The following ADPRHL1 variants were observed in gnomAD, a reference collection of about 807,000 sequenced individuals.
ADPRHL1 encodes the protein ADP-ribosylhydrolase like 1.
A neutral mutation model predicts 44.1 loss-of-function variants in ADPRHL1; 43 were observed. The ratio of observed to expected loss-of-function variants is 0.98; its 90% CI spans 0.76 to 1.26. ADPRHL1 has a LOEUF of 1.26. Ranked by LOEUF, ADPRHL1 falls within the 50% of genes most tolerant of loss-of-function variation. ADPRHL1 has a pLI of 0.00. For synonymous variants in ADPRHL1, 878 were observed against 1,017.4 expected, an observed-to-expected ratio of 0.86 and a Z score of 2.61; for missense variants, 2,022 against 2,496.9, an observed-to-expected ratio of 0.81 and a Z score of 4.05.
intron 1 of ADPRHL1, among the ~76,000 whole-genome samples, chr13:113,452,392 G>C (rs1374422837): frequency 1.3e-5 from 2 of 152,214 alleles, no homozygotes; most frequent in Non-Finnish European, 2.9e-5. Context: ...CACGTCCATG[G>C]CAGATGAACA....
At position 113,408,055 on chromosome 13, in the gene ADPRHL1, C is replaced by A; in HGVS notation, c.1227G>T (p.Gly409=). The A allele has an allele frequency of 2.4e-6, 3 of 1,232,216 alleles. No individual in the cohort carries two copies. Among genetic ancestry groups the A allele is most frequent in the Non-Finnish European group, 3.0e-6 (3 of 988,124 alleles). 76.3% of individuals were successfully genotyped at this position (1,232,216 alleles called of 1,614,324 possible). A position where few individuals can be genotyped will look rare whatever the true frequency, so the allele number is the denominator to read the frequency against. The change falls in exon 8 of 8, where the codon GGG becomes GGT. Residue 409 remains glycine (G), a synonymous_variant. Coordinates refer to ENST00000612156, the MANE Select transcript of ADPRHL1 (RefSeq NM_001394807.1). ...GGGGCTGGTGGCTGGGCCTGCTCCC[C>A]CCGGCCTCTGTCCCCGGGGGCCGGT... is the stretch of plus-strand genomic sequence containing the variant. ...RADRPPGTEA[G]GSRPSHQPQT...
chr13:113,439,187 A>G (rs950663813), intron 2 of ADPRHL1, among the ~76,000 whole-genome samples: 1 of 151,976 alleles, frequency 6.6e-6, no homozygotes, highest in African/African-American at 2.4e-5. Context: ...CAATGGCACA[A>G]TCTCAGCTCA....
rs2043746933 is a variant in ADPRHL1 at position 113,400,165 on chromosome 13, T to TTGA, written c.*3212_*3213insTCA. ...CTTTTCTTCTTTTTTTTTTTTTTTT[T>TTGA]GACGGAGTCTCGCTCTGTCACCCAG... On this transcript the variant is annotated 3_prime_UTR_variant, in exon 8 of 8. Transcript: ENST00000612156. The TTGA allele has an allele frequency of 9.6e-5, 14 of 145,706 alleles. No homozygotes were observed. Among genetic ancestry groups the TTGA allele is most frequent in the African/African-American group, 3.6e-4 (14 of 38,420 alleles). The allele number at this position is 145,706 out of a possible 1,614,324, so 9.0% of individuals were successfully genotyped here. A position where few individuals can be genotyped will look rare whatever the true frequency, so the allele number is the denominator to read the frequency against.
chr13:113,406,772 G>A lies in ADPRHL1; in HGVS notation c.2510C>T (p.Ala837Val), dbSNP rs2139595159. The A allele has an allele frequency of 5.7e-6, 7 of 1,232,006 alleles. No homozygotes were observed. The highest frequency in any genetic ancestry group is 6.3e-5 in the East Asian group (2 of 31,712). 76.3% of individuals were successfully genotyped at this position (1,232,006 alleles called of 1,614,324 possible). A position where few individuals can be genotyped will look rare whatever the true frequency, so the allele number is the denominator to read the frequency against. The part of the protein sequence containing the change: ...SVQAARRTQP[A>V]TEPPRITVQI... ...GACAGTTATCCGTGGAGGCTCCGTGGCAGGCTGTGTTCTCCGAGCAGCCTG... is the reference window on the plus strand; with the variant it reads ...GACAGTTATCCGTGGAGGCTCCGTGACAGGCTGTGTTCTCCGAGCAGCCTG... Residue 837 changes from alanine (A) to valine (V), a missense_variant, in exon 8 of 8, where the codon GCC becomes GTC. Coordinates refer to ENST00000612156, the MANE Select transcript of ADPRHL1 (RefSeq NM_001394807.1).
At position 113,424,294 on chromosome 13, in the gene ADPRHL1, G is replaced by A. The variant is rs756583732; in HGVS notation, c.830C>T (p.Pro277Leu). 1 of 1,612,922 alleles carries A rather than the reference G, an allele frequency of 6.2e-7. No individual in the cohort carries two copies. The change falls in exon 6 of 8, where the codon CCC (proline) becomes CTC (leucine). Residue 277 changes from proline (P) to leucine (L), a missense_variant. By Grantham distance (98) the Pro-to-Leu change is moderately conservative (BLOSUM62 -3). This residue lies in a region of ADPRHL1 where 437 missense variants were observed against 430.7 expected (regional missense o/e 1.01). Transcript: ENST00000612156. ...AAGGAGGGCGTCATAGGCTATCATG[G>A]GGGCATCGTGGCCTCGTCTTCCCCC... is the stretch of plus-strand genomic sequence containing the variant. Reference protein sequence around the residue: ...GRGGRRGHDAPMIAYDALLAA... With the variant: ...GRGGRRGHDALMIAYDALLAA...
At chr13:113,422,126 T>C (rs2043928566) in intron 7 of ADPRHL1, 1 of 152,200 alleles carries the variant, frequency 6.6e-6, no homozygotes, top group African/African-American at 2.4e-5. Context: ...AGGCCTTCTC[T>C]GCATTTGGAC....
chr13:113,426,805 C>T (rs1283223778), intron 4 of ADPRHL1, among the ~76,000 whole-genome samples: 1 of 152,240 alleles, frequency 6.6e-6, no homozygotes. Context: ...TGCCTCTCAC[C>T]CGAGTCAGCC....
Position 113,407,891 on chromosome 13 carries a change from C to T in ADPRHL1, c.1391G>A (p.Gly464Glu), listed in dbSNP as rs2043821168. Residue 464 changes from glycine to glutamate, a missense_variant, in exon 8 of 8, where the codon GGG becomes GAG. This residue lies in a region of ADPRHL1 where 1,221 missense variants were observed against 1,517.8 expected (regional missense o/e 0.80). Coordinates refer to ENST00000612156, the MANE Select transcript of ADPRHL1 (RefSeq NM_001394807.1). ...LISKDKQGPG[G>E]GLVGATINKL... ...GTTGATGGTGGCACCCACGAGGCCC[C>T]CACCCGGCCCCTGCTTGTCCTTGGA... 1 of 1,231,806 alleles carries T rather than the reference C, an allele frequency of 8.1e-7. No homozygotes were observed. The highest frequency in any genetic ancestry group is 1.6e-5 in the African/African-American group (1 of 64,438). The allele number at this position is 1,231,806 out of a possible 1,614,324, so 76.3% of individuals were successfully genotyped here. A position where few individuals can be genotyped will look rare whatever the true frequency, so the allele number is the denominator to read the frequency against.
intron 7 of ADPRHL1, among the ~76,000 whole-genome samples, chr13:113,415,490 T>G (rs528468778): frequency 6.6e-6 from 1 of 152,186 alleles, no homozygotes; most frequent in Non-Finnish European, 1.5e-5. Context: ...CGGTGGCTCA[T>G]GCCTGTAATC....
chr13:113,424,501 T>C (rs1252512504), intron 5 of ADPRHL1, 152 bp from the exon 6 acceptor site: 27 of 1,094,506 alleles, frequency 2.5e-5, no homozygotes, highest in Non-Finnish European at 3.0e-5. Context: ...GTCCCCCAGG[T>C]TGGAGTGCAA....
Position 113,444,557 on chromosome 13 carries a change from T to C in ADPRHL1, c.247A>G (p.Met83Val), listed in dbSNP as rs576528673. The C allele has an allele frequency of 1.9e-6, 3 of 1,613,992 alleles. No homozygotes were observed. The South Asian group carries it at 3.3e-5, about 18-fold the overall frequency. ...ACGATTTCCACATAGCATCTCACCA[T>C]CTCCCGGTACAGATCATCCAGGCAC... Reference protein sequence around the residue: ...YWCLDDLYREMVRCYVEIVEK... With the variant: ...YWCLDDLYREVVRCYVEIVEK... Residue 83 changes from methionine (M) to valine (V), a missense_variant, in exon 2 of 8, where the codon ATG becomes GTG. Transcript: ENST00000612156.
Position 113,424,214 on chromosome 13 carries a change from C to T in ADPRHL1, c.907+3G>A, listed in dbSNP as rs759583938. The T allele has an allele frequency of 6.2e-7, 1 of 1,612,614 alleles. No homozygotes were observed. The highest frequency in any genetic ancestry group is 8.5e-7 in the Non-Finnish European group (1 of 1,179,766). The stretch of plus-strand genomic sequence containing the variant: ...AAGCCACGGCCATTAAGGAACATCT[C>T]ACCTCCATGAAACATGGCCCGGTGA... On this transcript the variant is annotated splice_donor_region_variant and intron_variant, in intron 6 of 7. Transcript: ENST00000612156.
rs534230979 is a variant in ADPRHL1 at position 113,406,354 on chromosome 13, T to C, written c.2928A>G (p.Gly976=). ...CATCTCTGAGCTCAGAGGTCCTCTC[T>C]CCTGAAATATCGTCAGGATTCCTGG... The part of the protein sequence containing the change: ...HGPRNPDDIS[G]ERTSELRDVK... The change falls in exon 8 of 8, where the codon GGA becomes GGG. Residue 976 remains glycine (G), a synonymous_variant. Transcript: ENST00000612156. The C allele has an allele frequency of 4.9e-6, 6 of 1,231,982 alleles. No homozygotes were observed. Among genetic ancestry groups the C allele is most frequent in the Non-Finnish European group, 6.1e-6 (6 of 987,982 alleles). The allele number at this position is 1,231,982 out of a possible 1,614,324, so 76.3% of individuals were successfully genotyped here.
chr13:113,437,569 C>A (rs1452884803), intron 2 of ADPRHL1, among the ~76,000 whole-genome samples: 1 of 152,232 alleles, frequency 6.6e-6, no homozygotes. Context: ...ACGTGCCGTG[C>A]TTTCCGCCTG....
Position 113,444,469 on chromosome 13 carries a change from G to T in ADPRHL1, c.335C>A (p.Pro112His). The T allele has an allele frequency of 6.2e-7, 1 of 1,614,182 alleles. No individual in the cohort carries two copies. Among genetic ancestry groups the T allele is most frequent in the Non-Finnish European group, 8.5e-7 (1 of 1,180,028 alleles). ...ATIEGCAQLK[P>H]NNYLLAWHTP... ...GTGCCAGGCGAGAAGGTAGTTATTG[G>T]GCTTTAGCTGAGCACAGCCTTCAAT... Residue 112 changes from proline to histidine, a missense_variant, in exon 2 of 8, where the codon CCC (proline) becomes CAC (histidine). By Grantham distance (77) the Pro-to-His change is moderately conservative. Transcript: ENST00000612156.
At chr13:113,415,749 T>TAAAAAAAAA (rs2043883936) in intron 7 of ADPRHL1, among the ~76,000 whole-genome samples, 2 of 22,662 alleles carry the variant, frequency 8.8e-5, no homozygotes, top group Non-Finnish European at 1.7e-4. Context: ...AGACTCCATC[T>TAAAAAAAAA]CAAAAAAAAA....
rs568142568 is a variant in ADPRHL1, at chr13:113,423,043, G to A, written c.908-64C>T. 2.5e-6 allele frequency: 4 copies of A among 1,600,804 alleles called. No individual in the cohort carries two copies. The East Asian group carries it at 8.9e-5, about 36-fold the overall frequency. ...GACCAGGGCCTCTGCAAGACCCCTG[G>A]GGCTGGCCGCCCCTAAGGTGGGCCA... On this transcript the variant is annotated intron_variant, in intron 6 of 7. Transcript: ENST00000612156.
intron 5 of ADPRHL1, among the ~76,000 whole-genome samples, chr13:113,424,708 TTA>T: frequency 3.8e-4 from 1 of 2,650 alleles, no homozygotes; most frequent in Non-Finnish European, 7.8e-4. Context: ...ATTCATCCAT[TTA>T]CCCACACATT....
At chr13:113,426,588 G>A (rs1288381273) in intron 4 of ADPRHL1, among the ~76,000 whole-genome samples, 5 of 152,232 alleles carry the variant, frequency 3.3e-5, no homozygotes, top group African/African-American at 7.2e-5. Flanking sequence ...ACAGGCACCC[G>A]CGACTCAGGC....
Sources: allele counts gnomAD v4.1 joint callset (sites outside exome capture counted in the v4.1 genomes callset), GRCh38; gene constraint gnomAD v4.1.1; regional missense constraint gnomAD v4.1.1; transcripts MANE v1.5; gene names NCBI Gene and HGNC (gene_info 2026-07-23, HGNC 2026-07-21).